The following GFRA2 variants were observed in gnomAD, a reference collection of about 807,000 sequenced individuals.
GFRA2 encodes the protein GDNF family receptor alpha 2, also known as GDNF family receptor alpha-2.
A neutral mutation model predicts 48.3 loss-of-function variants in GFRA2; 17 were observed. The ratio of observed to expected loss-of-function variants is 0.35; its 90% CI spans 0.24 to 0.53. GFRA2 has a LOEUF of 0.53. Ranked by LOEUF, GFRA2 falls within the 20% of genes least tolerant of loss-of-function variation. The probability of loss-of-function intolerance (pLI) is 0.93; values close to 1 mark genes in which losing one functional copy is unlikely to be tolerated. For synonymous variants in GFRA2, 305 were observed against 257.2 expected, an observed-to-expected ratio of 1.19 and a Z score of -1.78; for missense variants, 660 against 637.3, an observed-to-expected ratio of 1.04 and a Z score of -0.38.
intron 4 of GFRA2, among the ~76,000 whole-genome samples, chr8:21,734,183 G>T (rs1265540779): frequency 6.6e-6 from 1 of 152,232 alleles, no homozygotes; most frequent in African/African-American, 2.4e-5. Context: ...GGCTCCCTGG[G>T]AAACAGCTGG....
At chr8:21,751,883 G>C (rs1215450864) in intron 3 of GFRA2, among the ~76,000 whole-genome samples, 1 of 152,150 alleles carries the variant, frequency 6.6e-6, no homozygotes, top group African/African-American at 2.4e-5. Context: ...GCCCACTCTG[G>C]AAGAGCTCAC....
At chr8:21,810,346 C>T (rs1039958630) in intron 1 of GFRA2, among the ~76,000 whole-genome samples, 2 of 152,186 alleles carry the variant, frequency 1.3e-5, no homozygotes, top group Non-Finnish European at 2.9e-5. Context: ...AGGTCAGCCT[C>T]CTCCCTCTGC....
Position 21,748,401 on chromosome 8 carries a change from A to G in GFRA2, c.794+2187T>C, listed in dbSNP as rs1439145786. On this transcript the variant is annotated intron_variant, in intron 4 of 8. Coordinates refer to ENST00000524240, the MANE Select transcript of GFRA2 (RefSeq NM_001495.5). The stretch of plus-strand genomic sequence containing the variant: ...TCACCAAGTGCCAGGCTCTACATGC[A>G]GGACAGGGTGTGGAGTAAACAAAAC... Among the ~76,000 whole-genome samples the G allele has an allele frequency of 2.0e-5, 3 of 150,358 alleles. No individual in the cohort carries two copies. The East Asian group carries it at 5.8e-4, about 29-fold the overall frequency.
In GFRA2 at chr8:21,710,383, C is replaced by T. The variant is rs148322450; in HGVS notation, c.795-4342G>A. Among the ~76,000 whole-genome samples the T allele has an allele frequency of 4.9e-3, 747 of 152,322 alleles. 7 individuals are homozygous for T. The highest frequency in any genetic ancestry group is 0.017 in the African/African-American group (711 of 41,570). ...GCACAGCAGGAACAGCTTTCCCTGG[C>T]GTCTGATACAGAAGGAAAAACAGAC... On this transcript the variant is annotated intron_variant, in intron 4 of 8. Transcript: ENST00000524240.
At chr8:21,807,331 C>T (rs1807890879) in intron 1 of GFRA2, among the ~76,000 whole-genome samples, 1 of 152,176 alleles carries the variant, frequency 6.6e-6, no homozygotes, top group African/African-American at 2.4e-5. Flanking sequence ...TTCCACTTTC[C>T]TCCATGGGAT....
At chr8:21,804,181 T>C (rs968002193) in intron 2 of GFRA2, among the ~76,000 whole-genome samples, 2 of 148,674 alleles carry the variant, frequency 1.3e-5, no homozygotes, top group Non-Finnish European at 2.9e-5. Context: ...ATGGAGTCAC[T>C]AATTTTACAT....
At position 21,733,398 on chromosome 8, in the gene GFRA2, A is replaced by G. The variant is rs530257069; in HGVS notation, c.794+17190T>C. On this transcript the variant is annotated intron_variant, in intron 4 of 8. Transcript: ENST00000524240. ...CCTTTCTCATGAGAATGAGCAGATG[A>G]CAACTCACTGCATTCTTCCCCAGCA... 5.8e-4 allele frequency among the ~76,000 whole-genome samples: 89 copies of G among 152,296 alleles called. 4 individuals are homozygous for G. The South Asian group carries it at 0.017, about 30-fold the overall frequency.
At chr8:21,804,302 G>A (rs1807821781) in intron 2 of GFRA2, among the ~76,000 whole-genome samples, 1 of 151,836 alleles carries the variant, frequency 6.6e-6, no homozygotes, top group African/African-American at 2.4e-5. Context: ...CATAACCTTA[G>A]GTAAGTCCCT....
intron 7 of GFRA2, among the ~76,000 whole-genome samples, chr8:21,700,702 A>G (rs867242903): frequency 2.0e-5 from 3 of 152,134 alleles, no homozygotes; most frequent in African/African-American, 7.2e-5. Context: ...CCAACTGGCT[A>G]CCATCTCTGG....
chr8:21,713,844 G>A (rs1269200083), intron 4 of GFRA2, among the ~76,000 whole-genome samples: 1 of 152,172 alleles, frequency 6.6e-6, no homozygotes, highest in Non-Finnish European at 1.5e-5. Flanking sequence ...ACCTGCACAG[G>A]TTTCAGAGCT....
intron 1 of GFRA2, among the ~76,000 whole-genome samples, chr8:21,806,187 C>T (rs1807862239): frequency 6.6e-6 from 1 of 152,180 alleles, no homozygotes; most frequent in African/African-American, 2.4e-5. Flanking sequence ...GTCAGAACTA[C>T]GGAGGGTCTC....
intron 3 of GFRA2, among the ~76,000 whole-genome samples, chr8:21,766,025 C>G (rs1329587956): frequency 6.6e-6 from 1 of 152,154 alleles, no homozygotes; most frequent in South Asian, 2.1e-4. Context: ...CAAGAGTCAT[C>G]TTTTCAAACA....
rs376147152 is a variant in GFRA2 at position 21,804,229 on chromosome 8, CAT to C, written c.-36+786_-36+787del. On this transcript the variant is annotated intron_variant, in intron 2 of 10. Transcript: ENST00000517328. ...ACACACACACACACACACACACACA[CAT>C]GCATACACACAATTTACAGTTCCAA... Among the ~76,000 whole-genome samples the C allele has an allele frequency of 7.4e-3, 1,093 of 147,744 alleles. 18 individuals are homozygous for C. Among genetic ancestry groups the C allele is most frequent in the East Asian group, 0.056 (280 of 4,960 alleles).
At chr8:21,726,517 T>A (rs564002102) in intron 4 of GFRA2, among the ~76,000 whole-genome samples, 3 of 152,296 alleles carry the variant, frequency 2.0e-5, no homozygotes, top group Non-Finnish European at 4.4e-5. Flanking sequence ...TGGCAGGGCC[T>A]TGCCTCCTCT....
Position 21,787,175 on chromosome 8 carries a change from G to C in GFRA2, c.40+945C>G, listed in dbSNP as rs796910455. Among the ~76,000 whole-genome samples the C allele has an allele frequency of 4.1e-3, 618 of 151,352 alleles. 1 individual carries two copies. The highest frequency in any genetic ancestry group is 0.014 in the African/African-American group (579 of 41,352). On this transcript the variant is annotated intron_variant, in intron 1 of 8. Transcript: ENST00000524240. Reference sequence around the variant, plus strand: ...CTGCGATTTCACCTAGCTTTAAAGGGAGAGAGGAGCTGGGAATTCTGTGTG... The same window carrying C: ...CTGCGATTTCACCTAGCTTTAAAGGCAGAGAGGAGCTGGGAATTCTGTGTG...
chr8:21,741,247 C>T (rs1279011352), intron 4 of GFRA2, among the ~76,000 whole-genome samples: 7 of 152,166 alleles, frequency 4.6e-5, no homozygotes, highest in Non-Finnish European at 7.4e-5. Flanking sequence ...CTCTGAGCCC[C>T]GCTGCCCCAG....
chr8:21,796,257 A>G (rs1301478103), intron 2 of GFRA2, among the ~76,000 whole-genome samples: 2 of 152,208 alleles, frequency 1.3e-5, no homozygotes, highest in Non-Finnish European at 2.9e-5. Context: ...GAAACCTCAC[A>G]GCTTCTCTTC....
intron 4 of GFRA2, among the ~76,000 whole-genome samples, chr8:21,727,752 C>T (rs1236603238): frequency 1.3e-5 from 2 of 152,250 alleles, no homozygotes; most frequent in African/African-American, 4.8e-5. Context: ...GGCCAATCAT[C>T]TGTCCTCTCC....
Position 21,730,760 on chromosome 8 carries a change from G to C in GFRA2, c.794+19828C>G, listed in dbSNP as rs752137383. Among the ~76,000 whole-genome samples the C allele has an allele frequency of 9.9e-5, 15 of 152,264 alleles. 1 individual carries two copies. The highest frequency in any genetic ancestry group is 3.4e-3 in the Middle Eastern group (1 of 294). Reference sequence around the variant, plus strand: ...ACAGCCCTCAAGGTCCCACCTCCCAGGGCAGCACGTGCTTTATTAATGCCC... The same window carrying C: ...ACAGCCCTCAAGGTCCCACCTCCCACGGCAGCACGTGCTTTATTAATGCCC... On this transcript the variant is annotated intron_variant, in intron 4 of 8. Transcript: ENST00000524240.
Sources: allele counts gnomAD v4.1 joint callset (sites outside exome capture counted in the v4.1 genomes callset), GRCh38; gene constraint gnomAD v4.1.1; transcripts MANE v1.5; gene names NCBI Gene and HGNC (gene_info 2026-07-23, HGNC 2026-07-21).